Variants in CR1L observed in about 807,000 individuals in gnomAD.
The protein encoded by CR1L is complement component receptor 1-like protein.
In CR1L, 59 loss-of-function variants were observed where a neutral mutation model predicts 62.3. That is an observed-to-expected ratio of 0.95 (90% CI 0.77 to 1.18). CR1L has a LOEUF of 1.18. Ranked by LOEUF, CR1L falls within the 50% of genes most tolerant of loss-of-function variation. The pLI is 0.00. For missense variants in CR1L, 700 were observed against 702.8 expected (o/e 1.00, Z 0.04); for synonymous variants, 279 against 248.7 (o/e 1.12, Z -1.15).
intron 10 of CR1L, chr1:207,708,957 C>T (rs1276136100): frequency 5.6e-6 from 2 of 356,458 alleles, no homozygotes; most frequent in African/African-American, 4.3e-5. Context: ...AAATTGGGTG[C>T]ATTCAGGGTG....
At chr1:207,723,225 A>G (rs188116083) in intron 11 of CR1L, among the ~76,000 whole-genome samples, 561 of 152,186 alleles carry the variant, frequency 3.7e-3, no homozygotes, top group African/African-American at 0.013. Flanking sequence ...AGGTCAGGAG[A>G]TTGAGACCAT....
intron 1 of CR1L, among the ~76,000 whole-genome samples, chr1:207,666,649 G>T (rs1295245096): frequency 1.3e-5 from 2 of 152,184 alleles, no homozygotes; most frequent in East Asian, 1.9e-4. Flanking sequence ...GGAGCTGAAT[G>T]ATGAGAACAC....
rs1454765648 is a variant in CR1L, at chr1:207,701,274, T to C, written c.1229-245T>C. ...ATGACCTTTACATTTTGATAAGGGA[T>C]GCAAGGTCTCTACACAGATCTAAAT... On this transcript the variant is annotated intron_variant, in intron 8 of 11. Transcript: ENST00000508064. Among the ~76,000 whole-genome samples, 4 of 152,152 alleles carry C rather than the reference T, an allele frequency of 2.6e-5. No homozygotes were observed. The East Asian group carries it at 7.7e-4, about 29-fold the overall frequency.
Position 207,645,786 on chromosome 1 carries a change from C to T in CR1L, c.97+456C>T, listed in dbSNP as rs111919013. Reference sequence around the variant, plus strand: ...GTGTTCATTAGGGCTTGGACAGTACCCGCGGTAAGGGTTGCAGTGCGTCTG... The same window carrying T: ...GTGTTCATTAGGGCTTGGACAGTACTCGCGGTAAGGGTTGCAGTGCGTCTG... On this transcript the variant is annotated intron_variant, in intron 1 of 11. Coordinates refer to ENST00000508064, the MANE Select transcript of CR1L (RefSeq NM_175710.2). 1.8e-3 allele frequency among the ~76,000 whole-genome samples: 274 copies of T among 152,174 alleles called. 3 individuals carry two copies. Among genetic ancestry groups the T allele is most frequent in the African/African-American group, 6.3e-3 (262 of 41,520 alleles).
chr1:207,688,261 G>A (rs1340117124), intron 4 of CR1L, among the ~76,000 whole-genome samples: 1 of 152,172 alleles, frequency 6.6e-6, no homozygotes, highest in African/African-American at 2.4e-5. Flanking sequence ...AGGTGACAGA[G>A]TGAGACCCTG....
At chr1:207,717,351 A>G in intron 10 of CR1L, 113 bp from the exon 11 acceptor site, 2 of 1,200,886 alleles carry the variant, frequency 1.7e-6, no homozygotes, top group South Asian at 3.2e-5. Context: ...CCTTAGTTAT[A>G]GTCTTTCTAA....
intron 5 of CR1L, among the ~76,000 whole-genome samples, chr1:207,696,339 C>T (rs962165599): frequency 3.9e-5 from 6 of 152,200 alleles, no homozygotes; most frequent in Admixed American, 1.3e-4. Flanking sequence ...GTAGAACAGA[C>T]TCTGCCATCA....
intron 1 of CR1L, among the ~76,000 whole-genome samples, chr1:207,677,167 C>T (rs1297580223): frequency 2.0e-5 from 3 of 151,604 alleles, no homozygotes; most frequent in Non-Finnish European, 4.4e-5. Context: ...ACTAAAAATT[C>T]AAAAATTAGC....
Position 207,706,339 on chromosome 1 carries a change from TCAGCCCGA to T in CR1L, c.1329-1838_1329-1831del, listed in dbSNP as rs1664267591. 2.0e-5 allele frequency among the ~76,000 whole-genome samples: 3 copies of T among 151,734 alleles called. No individual in the cohort carries two copies. The South Asian group carries it at 6.2e-4, about 32-fold the overall frequency. On this transcript the variant is annotated intron_variant, in intron 9 of 11. Transcript: ENST00000508064. ...AGGAGACTGAGGTGAAAGGATCACC[TCAGCCCGA>T]GAGGCTGAGGCTTCAGTGAGCCGTG...
chr1:207,661,919 G>A (rs993745566), intron 1 of CR1L, among the ~76,000 whole-genome samples: 2 of 152,050 alleles, frequency 1.3e-5, no homozygotes, highest in African/African-American at 4.8e-5. Context: ...TAGTTTGGCT[G>A]GATATGAAAT....
At chr1:207,712,567 C>G (rs1332740057) in intron 10 of CR1L, among the ~76,000 whole-genome samples, 4 of 152,146 alleles carry the variant, frequency 2.6e-5, no homozygotes, top group Non-Finnish European at 1.5e-5. Context: ...GTGAGCATAC[C>G]CTAAGCCATC....
chr1:207,708,430 T>A (rs1664304357), intron 10 of CR1L, among the ~76,000 whole-genome samples, 167 bp downstream of exon 10: 1 of 152,252 alleles, frequency 6.6e-6, no homozygotes, highest in African/African-American at 2.4e-5. Context: ...ACTTCCACCT[T>A]CACCTAGAAA....
At position 207,694,746 on chromosome 1, in the gene CR1L, C is replaced by G. The variant is rs1175190055; in HGVS notation, c.857C>G (p.Ser286Cys). ...NKWEPELPSC[S>C]RVCQPPPDVL... The stretch of plus-strand genomic sequence containing the variant: ...TGGGAGCCAGAGTTACCAAGCTGCT[C>G]CAGGGGTGAGTCTGACTGAGGCCTA... Residue 286 changes from serine to cysteine, a missense_variant, in exon 5 of 12, where the codon TCC (serine) becomes TGC (cysteine). By Grantham distance (112) the Ser-to-Cys change is moderately radical. Coordinates refer to ENST00000508064, the MANE Select transcript of CR1L (RefSeq NM_175710.2). 6.2e-7 allele frequency: 1 copy of G among 1,611,700 alleles called. No individual in the cohort carries two copies. The highest frequency in any genetic ancestry group is 8.5e-7 in the Non-Finnish European group (1 of 1,179,722).
In CR1L at chr1:207,694,723, G is replaced by A; in HGVS notation, c.834G>A (p.Trp278Ter). Residue 278 changes from tryptophan (W) to a stop codon, truncating the protein, a stop_gained, in exon 5 of 12, where the codon TGG becomes TGA. Coordinates refer to ENST00000508064, the MANE Select transcript of CR1L (RefSeq NM_175710.2). LOFTEE classifies it high-confidence loss of function. ...SHVKCQALNK[W>*]EPELPSCSRV... Reference sequence around the variant, plus strand: ...TGAAGTGCCAGGCCCTGAACAAATGGGAGCCAGAGTTACCAAGCTGCTCCA... The same window carrying A: ...TGAAGTGCCAGGCCCTGAACAAATGAGAGCCAGAGTTACCAAGCTGCTCCA... 1 of 1,611,906 alleles carries A rather than the reference G, an allele frequency of 6.2e-7. No individual in the cohort carries two copies. Among genetic ancestry groups the A allele is most frequent in the Non-Finnish European group, 8.5e-7 (1 of 1,179,730 alleles).
At chr1:207,709,727 C>T (rs1664323020) in intron 10 of CR1L, among the ~76,000 whole-genome samples, 1 of 149,704 alleles carries the variant, frequency 6.7e-6, no homozygotes, top group Non-Finnish European at 1.5e-5. Context: ...ATCCCAGCTA[C>T]TTGGGAGGCT....
At chr1:207,670,529 A>C (rs565410022) in intron 1 of CR1L, among the ~76,000 whole-genome samples, 1 of 150,942 alleles carries the variant, frequency 6.6e-6, no homozygotes, top group South Asian at 2.1e-4. Context: ...GCCTAGACTC[A>C]CTGGCAACAT....
intron 9 of CR1L, among the ~76,000 whole-genome samples, chr1:207,706,187 A>G (rs997126485): frequency 6.6e-6 from 1 of 151,958 alleles, no homozygotes; most frequent in Non-Finnish European, 1.5e-5. Flanking sequence ...TGAGAGGCCG[A>G]AGCAAGAGAA....
chr1:207,651,659 G>GA (rs148896881), intron 1 of CR1L, among the ~76,000 whole-genome samples: 6,818 of 146,398 alleles, frequency 0.047, 495 homozygotes, highest in African/African-American at 0.16. Context: ...ATGATAGGGA[G>GA]AAAAAAAAAA....
At chr1:207,649,791 TC>T (rs1663194206) in intron 1 of CR1L, among the ~76,000 whole-genome samples, 1 of 152,280 alleles carries the variant, frequency 6.6e-6, no homozygotes, top group African/African-American at 2.4e-5. Flanking sequence ...TCGAAAGGTA[TC>T]TGTCTTGGAA....
Sources: allele counts gnomAD v4.1 joint callset (sites outside exome capture counted in the v4.1 genomes callset), GRCh38; gene constraint gnomAD v4.1.1; transcripts MANE v1.5; gene names NCBI Gene and HGNC (gene_info 2026-07-23, HGNC 2026-07-21).